Variants in CDC42BPA observed in about 807,000 individuals in gnomAD.
CDC42BPA encodes the protein serine/threonine-protein kinase MRCK alpha.
In CDC42BPA, 80 loss-of-function variants were observed where a neutral mutation model predicts 223.5. That is an observed-to-expected ratio of 0.36 (90% CI 0.30 to 0.43). The LOEUF is 0.43. CDC42BPA is among the 20% of genes least tolerant of loss of function. The pLI, the probability that CDC42BPA is intolerant of heterozygous loss-of-function variation, is 1.00. For synonymous variants in CDC42BPA, 694 were observed against 718.6 expected, an observed-to-expected ratio of 0.97 and a Z score of 0.55; for missense variants, 1,743 against 2,099.9, an observed-to-expected ratio of 0.83 and a Z score of 3.32.
intron 29 of CDC42BPA, among the ~76,000 whole-genome samples, chr1:227,029,806 A>G (rs760828468): frequency 1.3e-5 from 2 of 152,172 alleles, no homozygotes; most frequent in Non-Finnish European, 2.9e-5. Context: ...GTGAAAATCA[A>G]GTTGTATATA....
At chr1:227,129,324 C>T in intron 10 of CDC42BPA, 93 bp from the exon 11 acceptor site, 1 of 945,070 alleles carries the variant, frequency 1.1e-6, no homozygotes, top group Non-Finnish European at 1.6e-6. Flanking sequence ...AATTCTTATA[C>T]AATTTTATAG....
At chr1:227,235,071 A>G (rs1678747072) in intron 2 of CDC42BPA, 1 of 152,020 alleles carries the variant, frequency 6.6e-6, no homozygotes, top group Non-Finnish European at 1.5e-5. Context: ...GCTGATATTT[A>G]CAAGAATGGT....
At chr1:227,138,073 T>C (rs1243455689) in intron 10 of CDC42BPA, among the ~76,000 whole-genome samples, 1 of 152,110 alleles carries the variant, frequency 6.6e-6, no homozygotes, top group East Asian at 1.9e-4. Flanking sequence ...AAGTAATTCA[T>C]ATGCAGAGAT....
chr1:227,232,533 C>T (rs1678183793), intron 2 of CDC42BPA, among the ~76,000 whole-genome samples: 1 of 152,166 alleles, frequency 6.6e-6, no homozygotes, highest in African/African-American at 2.4e-5. Flanking sequence ...GGTTTCTCCC[C>T]ATCTTTGTGG....
intron 14 of CDC42BPA, among the ~76,000 whole-genome samples, chr1:227,102,275 G>A (rs183808682): frequency 2.6e-5 from 4 of 152,250 alleles, no homozygotes; most frequent in East Asian, 1.9e-4. Context: ...TAGCCCTGGC[G>A]TGTCCACTGC....
At chr1:227,156,187 GCCAC>G (rs1272718217) in intron 6 of CDC42BPA, among the ~76,000 whole-genome samples, 1 of 150,818 alleles carries the variant, frequency 6.6e-6, no homozygotes, top group African/African-American at 2.4e-5. Flanking sequence ...GGATCTTGCT[GCCAC>G]CCAGGCTAGA....
intron 11 of CDC42BPA, 84 bp from the exon 12 acceptor site, chr1:227,120,021 T>A: frequency 1.9e-6 from 2 of 1,060,358 alleles, no homozygotes; most frequent in African/African-American, 1.6e-5. Context: ...AAATTTTTTT[T>A]AAAATTGGTA....
At chr1:227,193,486 T>A (rs1670116660) in intron 5 of CDC42BPA, among the ~76,000 whole-genome samples, 1 of 152,068 alleles carries the variant, frequency 6.6e-6, no homozygotes, top group South Asian at 2.1e-4. Flanking sequence ...TACCCATAGG[T>A]AATTTCTCAT....
chr1:227,032,409 T>C (rs1030726351), intron 27 of CDC42BPA, among the ~76,000 whole-genome samples: 5 of 151,990 alleles, frequency 3.3e-5, no homozygotes, highest in Non-Finnish European at 2.9e-5. Context: ...TAGACAAATA[T>C]AGGGAGATAG....
chr1:227,040,702 C>T (rs1204815934), intron 23 of CDC42BPA, among the ~76,000 whole-genome samples: 5 of 151,926 alleles, frequency 3.3e-5, no homozygotes, highest in African/African-American at 1.2e-4. Flanking sequence ...TTTCTGGGAC[C>T]AAGGACAAAT....
chr1:227,082,420 T>C (rs1680883603), intron 16 of CDC42BPA, among the ~76,000 whole-genome samples: 1 of 151,918 alleles, frequency 6.6e-6, no homozygotes. Context: ...ACTTGAAGAA[T>C]GCAGGTTGTC....
chr1:227,211,196 T>C lies in CDC42BPA; in HGVS notation c.354+1940A>G, dbSNP rs564132054. ...GTTGAATATAATGGACACTGGCACA[T>C]ATCCCAGTGATACATGTGACATTAA... On this transcript the variant is annotated intron_variant, in intron 3 of 36. Coordinates refer to ENST00000366766, the MANE Select transcript of CDC42BPA (RefSeq NM_001394014.1). 6.6e-5 allele frequency among the ~76,000 whole-genome samples: 10 copies of C among 152,278 alleles called. No individual in the cohort carries two copies. The South Asian group carries it at 1.5e-3, about 22-fold the overall frequency.
intron 16 of CDC42BPA, among the ~76,000 whole-genome samples, chr1:227,081,288 T>C (rs1680574550): frequency 6.6e-6 from 1 of 152,036 alleles, no homozygotes; most frequent in African/African-American, 2.4e-5. Context: ...TAGCTTTTTT[T>C]TTTCTCCAAA....
rs113571454 is a variant in CDC42BPA at position 227,030,741 on chromosome 1, C to G, written c.3776-271G>C. 4.3e-3 allele frequency among the ~76,000 whole-genome samples: 651 copies of G among 152,220 alleles called. 6 individuals are homozygous for G. The highest frequency in any genetic ancestry group is 0.015 in the African/African-American group (629 of 41,548). On this transcript the variant is annotated intron_variant, in intron 28 of 36. Transcript: ENST00000366766. ...AATGAAAAACCTAAGTTGTTCTACA[C>G]TTATTGTTTTGGGAGGTAAAAATTG... is the stretch of plus-strand genomic sequence containing the variant.
chr1:227,207,603 A>C (rs1182116918), intron 3 of CDC42BPA, among the ~76,000 whole-genome samples: 9 of 148,812 alleles, frequency 6.0e-5, no homozygotes, highest in Non-Finnish European at 1.2e-4. Flanking sequence ...CCAATGAGTA[A>C]GAATATGCGG....
intron 10 of CDC42BPA, among the ~76,000 whole-genome samples, chr1:227,133,085 TG>T (rs1164458117): frequency 2.4e-5 from 2 of 83,228 alleles, no homozygotes; most frequent in Non-Finnish European, 2.5e-5. Context: ...GGGAGGGAGG[TG>T]GGGGGGTCAG....
chr1:227,048,814 T>C (rs1211410160), intron 22 of CDC42BPA, among the ~76,000 whole-genome samples: 1 of 120,090 alleles, frequency 8.3e-6, no homozygotes, highest in Non-Finnish European at 1.8e-5. Context: ...AGCAAAAAAA[T>C]AAAAGGAAAA....
At chr1:227,151,943 C>T (rs1661848513) in intron 6 of CDC42BPA, among the ~76,000 whole-genome samples, 1 of 148,966 alleles carries the variant, frequency 6.7e-6, no homozygotes, top group South Asian at 2.1e-4. Context: ...ATCCCAACTA[C>T]TCGGGTGGCT....
intron 20 of CDC42BPA, among the ~76,000 whole-genome samples, chr1:227,070,331 T>C (rs1462878692): frequency 6.6e-6 from 1 of 151,770 alleles, no homozygotes; most frequent in Non-Finnish European, 1.5e-5. Flanking sequence ...ACTGCCAATC[T>C]GATTTCAGGT....
Sources: gnomAD v4.1 joint callset for allele counts (sites outside exome capture counted in the v4.1 genomes callset) on GRCh38, gnomAD v4.1.1 for gene constraint, MANE v1.5 for transcripts, NCBI Gene and HGNC (gene_info 2026-07-23, HGNC 2026-07-21) for gene names.